Variants in PCDH15 observed in about 807,000 individuals in gnomAD.
PCDH15 encodes protocadherin-15.
Under a neutral mutation model 178.5 loss-of-function variants are expected in PCDH15, and 129 were observed. The ratio of observed to expected loss-of-function variants is 0.72; its 90% CI spans 0.63 to 0.84. The LOEUF (loss-of-function observed/expected upper bound fraction) is 0.84, where lower values mean the gene tolerates loss of function less well. Ranked by LOEUF, PCDH15 falls within the 40% of genes least tolerant of loss-of-function variation. The pLI, the probability that PCDH15 is intolerant of heterozygous loss-of-function variation, is 0.00. For missense variants in PCDH15, 2,230 were observed against 2,099.9 expected (o/e 1.06, Z -1.21); for synonymous variants, 800 against 732.0 (o/e 1.09, Z -1.50).
intron 17 of PCDH15, among the ~76,000 whole-genome samples, chr10:54,075,796 ACATT>A (rs2094332469): frequency 6.6e-6 from 1 of 152,156 alleles, no homozygotes; most frequent in Non-Finnish European, 1.5e-5. Context: ...CTATTAAATT[ACATT>A]GGCCTGTATT....
chr10:54,423,610 TA>T (rs1420429527), intron 3 of PCDH15, among the ~76,000 whole-genome samples: 1 of 151,840 alleles, frequency 6.6e-6, no homozygotes, highest in African/African-American at 2.4e-5. Flanking sequence ...AAGTGCTCAA[TA>T]AGGTCATACT....
chr10:54,851,913 A>T (rs908641811), intron 3 of PCDH15, among the ~76,000 whole-genome samples: 1 of 152,170 alleles, frequency 6.6e-6, no homozygotes, highest in Admixed American at 6.6e-5. Flanking sequence ...ATAAAAATAA[A>T]GTTTTAAAAT....
chr10:53,967,993 C>G (rs2089226377), intron 21 of PCDH15, among the ~76,000 whole-genome samples: 1 of 152,110 alleles, frequency 6.6e-6, no homozygotes, highest in Non-Finnish European at 1.5e-5. Context: ...AACTGAGGTA[C>G]CGGGTTCATC....
chr10:55,303,157 T>A (rs1843331111), intron 1 of PCDH15, among the ~76,000 whole-genome samples: 1 of 151,942 alleles, frequency 6.6e-6, no homozygotes, highest in African/African-American at 2.4e-5. Context: ...TTCATGACAG[T>A]TATAGTCCTA....
intron 1 of PCDH15, among the ~76,000 whole-genome samples, chr10:55,288,207 T>C (rs1163009026): frequency 6.6e-6 from 1 of 150,494 alleles, no homozygotes; most frequent in Non-Finnish European, 1.5e-5. Context: ...GTAGGCTAAC[T>C]TGAAGAAAAA....
intron 18 of PCDH15, among the ~76,000 whole-genome samples, chr10:54,056,656 T>C (rs2093895183): frequency 1.3e-5 from 2 of 152,216 alleles, no homozygotes; most frequent in South Asian, 2.1e-4. Flanking sequence ...AGCCAAACCA[T>C]ATCATCCCAT....
chr10:55,165,029 T>C (rs1278017514), intron 2 of PCDH15, among the ~76,000 whole-genome samples: 2 of 152,098 alleles, frequency 1.3e-5, no homozygotes, highest in African/African-American at 4.8e-5. Flanking sequence ...TGAACCTATA[T>C]GGTATTAATA....
intron 1 of PCDH15, among the ~76,000 whole-genome samples, chr10:54,664,760 T>A (rs2094544161): frequency 6.6e-6 from 1 of 151,956 alleles, no homozygotes; most frequent in Non-Finnish European, 1.5e-5. Context: ...AAAATGTTAA[T>A]TCCTTTCTAG....
intron 3 of PCDH15, among the ~76,000 whole-genome samples, chr10:54,424,770 A>G (rs1038674595): frequency 3.1e-4 from 47 of 150,666 alleles, no homozygotes; most frequent in African/African-American, 1.1e-3. Flanking sequence ...CTAAAAACCA[A>G]ACACCACATG....
intron 26 of PCDH15, among the ~76,000 whole-genome samples, chr10:53,872,121 G>A (rs2133226817): frequency 6.6e-6 from 1 of 152,252 alleles, no homozygotes; most frequent in African/African-American, 2.4e-5. Flanking sequence ...TAATGAGGAT[G>A]TTGGTATCTT....
chr10:54,588,218 T>C (rs756716983), intron 2 of PCDH15, among the ~76,000 whole-genome samples: 2 of 152,176 alleles, frequency 1.3e-5, no homozygotes, highest in Non-Finnish European at 2.9e-5. Flanking sequence ...ACTAAATCAA[T>C]TTTAAGATAA....
intron 2 of PCDH15, among the ~76,000 whole-genome samples, chr10:55,580,103 C>A (rs774085378): frequency 2.0e-5 from 3 of 152,144 alleles, no homozygotes; most frequent in Non-Finnish European, 2.9e-5. Context: ...GTGATCCACC[C>A]GCCTCGGCCT....
rs1843166729 is a variant in PCDH15 at position 55,604,576 on chromosome 10, T to A, written c.-156+23049A>T. 2.1e-5 allele frequency among the ~76,000 whole-genome samples: 3 copies of A among 143,718 alleles called. No homozygotes were observed. The South Asian group carries it at 6.9e-4, about 33-fold the overall frequency. The allele number at this position is 143,718 out of a possible 152,430, so 94.3% of individuals were successfully genotyped here. A position where few individuals can be genotyped will look rare whatever the true frequency, so the allele number is the denominator to read the frequency against. On this transcript the variant is annotated intron_variant, in intron 2 of 5. Transcript: ENST00000613346. ...GACCACAGTGCAATCAAACTAGAAC[T>A]CAGGATTAAGAATCTCACTCAAAAC... is the stretch of plus-strand genomic sequence containing the variant.
chr10:54,589,005 C>T (rs78046538), intron 2 of PCDH15, among the ~76,000 whole-genome samples: 31 of 152,090 alleles, frequency 2.0e-4, no homozygotes, highest in Non-Finnish European at 4.3e-4. Flanking sequence ...TTGTGTCTGT[C>T]TTGTTCTCTG....
chr10:55,596,142 T>G (rs1842930939), intron 2 of PCDH15, among the ~76,000 whole-genome samples: 1 of 151,946 alleles, frequency 6.6e-6, no homozygotes, highest in Non-Finnish European at 1.5e-5. Flanking sequence ...GAACCGTCTT[T>G]CTCAGGTTAT....
At chr10:54,134,372 T>TATATATATATAA in intron 14 of PCDH15, among the ~76,000 whole-genome samples, 1 of 88,188 alleles carries the variant, frequency 1.1e-5, no homozygotes, top group South Asian at 5.1e-4. Context: ...CCCAAACTCT[T>TATATATATATAA]TATAAGATGC....
intron 1 of PCDH15, among the ~76,000 whole-genome samples, chr10:55,289,130 T>C (rs181777214): frequency 1.6e-3 from 246 of 152,190 alleles, no homozygotes; most frequent in African/African-American, 5.6e-3. Flanking sequence ...AAGTCTATCA[T>C]TGTATTCTTT....
At chr10:54,550,967 C>A (rs1216886270) in intron 2 of PCDH15, among the ~76,000 whole-genome samples, 2 of 151,546 alleles carry the variant, frequency 1.3e-5, no homozygotes, top group Non-Finnish European at 2.9e-5. Flanking sequence ...ACCAACCTGG[C>A]AAACATGGCA....
At chr10:55,570,235 GAACAAATACAGCC>G (rs1386236671) in intron 2 of PCDH15, among the ~76,000 whole-genome samples, 3 of 151,994 alleles carry the variant, frequency 2.0e-5, no homozygotes, top group Middle Eastern at 3.4e-3. Context: ...CCTGGCAGGT[GAACAAATACAGCC>G]AACAAGAAGT....
Sources: gnomAD v4.1 joint callset for allele counts (sites outside exome capture counted in the v4.1 genomes callset) on GRCh38, gnomAD v4.1.1 for gene constraint, MANE v1.5 for transcripts, NCBI Gene and HGNC (gene_info 2026-07-23, HGNC 2026-07-21) for gene names.